AP4E1: variants seen among roughly 807,000 people sequenced by gnomAD.
AP4E1 encodes AP-4 complex subunit epsilon-1.
Under a neutral mutation model 128.2 loss-of-function variants are expected in AP4E1, and 56 were observed. The observed-to-expected ratio is 0.44, with a 90% CI of 0.35 to 0.55. AP4E1 has a LOEUF of 0.55. AP4E1 is among the 20% of genes least tolerant of loss of function. The probability of loss-of-function intolerance (pLI) is 0.00; values close to 1 mark genes in which losing one functional copy is unlikely to be tolerated. For synonymous variants in AP4E1, 484 were observed against 473.1 expected (o/e 1.02, Z -0.30); for missense variants, 1,324 against 1,307.7 (o/e 1.01, Z -0.19).
chr15:50,925,440 T>C (rs141801849), intron 5 of AP4E1, among the ~76,000 whole-genome samples: 3 of 152,306 alleles, frequency 2.0e-5, no homozygotes, highest in African/African-American at 7.2e-5. Flanking sequence ...AGGCCTAGTA[T>C]CCAGGAATCC....
chr15:50,991,962 C>CTTTTTTT (rs61161776), intron 16 of AP4E1, among the ~76,000 whole-genome samples: 1 of 126,558 alleles, frequency 7.9e-6, no homozygotes, highest in African/African-American at 2.9e-5. Flanking sequence ...ACACATAGTT[C>CTTTTTTT]TTTTTTTTTT....
At chr15:50,993,285 A>G (rs2064826975) in intron 16 of AP4E1, 85 bp from the exon 17 acceptor site, 1 of 1,425,104 alleles carries the variant, frequency 7.0e-7, no homozygotes, top group Non-Finnish European at 9.8e-7. Flanking sequence ...GGCCATGGGC[A>G]TTGATATGTT....
chr15:50,981,293 A>C (rs1213980323), intron 15 of AP4E1, among the ~76,000 whole-genome samples: 1 of 152,200 alleles, frequency 6.6e-6, no homozygotes, highest in Non-Finnish European at 1.5e-5. Context: ...ACGTGGAGTC[A>C]AGATAGATAA....
chr15:50,991,074 A>G (rs2064800192), intron 16 of AP4E1, among the ~76,000 whole-genome samples: 1 of 152,202 alleles, frequency 6.6e-6, no homozygotes, highest in Admixed American at 6.5e-5. Flanking sequence ...GATGGATGGC[A>G]AGGACTTTAT....
At chr15:50,925,307 A>G in intron 5 of AP4E1, 88 bp downstream of exon 5, 1 of 1,364,010 alleles carries the variant, frequency 7.3e-7, no homozygotes, top group Non-Finnish European at 1.0e-6. Context: ...CTTCAGTGCT[A>G]CCAGGATAGA....
intron 16 of AP4E1, among the ~76,000 whole-genome samples, chr15:50,992,614 T>G (rs1468917203): frequency 6.6e-6 from 1 of 152,194 alleles, no homozygotes; most frequent in Non-Finnish European, 1.5e-5. Context: ...TTAGGCTTTT[T>G]GGGTAGGACA....
At chr15:50,907,807 C>T (rs2141119571), upstream of AP4E1, among the ~76,000 whole-genome samples, 1 of 152,264 alleles carries the variant, frequency 6.6e-6, no homozygotes, top group East Asian at 1.9e-4. Flanking sequence ...TCTCAGCGAC[C>T]CTGAGGTCAC....
intron 3 of AP4E1, among the ~76,000 whole-genome samples, chr15:50,922,733 T>TCCA (rs2063721756): frequency 6.6e-6 from 1 of 151,972 alleles, no homozygotes; most frequent in South Asian, 2.1e-4. Context: ...GAGTCCTGGC[T>TCCA]CCACCATGTG....
At chr15:50,978,567 T>C (rs192106310) in intron 15 of AP4E1, among the ~76,000 whole-genome samples, 1 of 152,310 alleles carries the variant, frequency 6.6e-6, no homozygotes, top group East Asian at 1.9e-4. Context: ...GAATGTTGAA[T>C]TATTCACTTA....
chr15:50,979,593 C>T (rs879587835), intron 15 of AP4E1, among the ~76,000 whole-genome samples: 2 of 152,066 alleles, frequency 1.3e-5, no homozygotes, highest in African/African-American at 4.8e-5. Context: ...GGCATGATCT[C>T]GACTCACTGC....
At chr15:51,000,671 G>C (rs1432501907) in intron 19 of AP4E1, among the ~76,000 whole-genome samples, 1 of 152,170 alleles carries the variant, frequency 6.6e-6, no homozygotes, top group African/African-American at 2.4e-5. Context: ...AACTTTGATA[G>C]AGTATCCCAT....
At chr15:50,991,962 C>CT (rs61161776) in intron 16 of AP4E1, among the ~76,000 whole-genome samples, 1,440 of 126,568 alleles carry the variant, frequency 0.011, 17 homozygotes, top group African/African-American at 0.025. Context: ...ACACATAGTT[C>CT]TTTTTTTTTT....
chr15:50,980,394 C>T (rs1329628740), intron 15 of AP4E1, among the ~76,000 whole-genome samples: 3 of 152,130 alleles, frequency 2.0e-5, no homozygotes, highest in Non-Finnish European at 4.4e-5. Context: ...AGCTGTATGG[C>T]TACTTTTAAG....
intron 19 of AP4E1, among the ~76,000 whole-genome samples, chr15:51,000,226 C>T (rs1023593557): frequency 2.7e-5 from 4 of 148,900 alleles, no homozygotes; most frequent in Non-Finnish European, 4.4e-5. Flanking sequence ...ACTGTAGCCT[C>T]GACCTCCCAG....
chr15:50,936,622 T>A (rs999562807), intron 8 of AP4E1, among the ~76,000 whole-genome samples: 8 of 152,282 alleles, frequency 5.3e-5, no homozygotes, highest in African/African-American at 1.9e-4. Flanking sequence ...TTTTTAATAT[T>A]TTCCAGAATG....
rs149682827 is a variant in AP4E1, at chr15:50,941,704, A to C, written c.1105A>C (p.Thr369Pro). 2.4e-5 allele frequency: 38 copies of C among 1,613,684 alleles called. No homozygotes were observed. The African/African-American group carries it at 4.5e-4, about 19-fold the overall frequency. The change falls in exon 10 of 21, where the codon ACT (threonine) becomes CCT (proline). Residue 369 changes from threonine (T) to proline (P), a missense_variant. Coordinates refer to ENST00000261842, the MANE Select transcript of AP4E1 (RefSeq NM_007347.5). ...TACCTATGTTATCCAACAGGATCCT[A>C]CTCTGGCTCTTCAACACCAGATGAC... is the stretch of plus-strand genomic sequence containing the variant. ...ALTYVIQQDP[T>P]LALQHQMTII...
chr15:50,991,267 G>A (rs908673849), intron 16 of AP4E1, among the ~76,000 whole-genome samples: 2 of 152,100 alleles, frequency 1.3e-5, no homozygotes, highest in Admixed American at 6.6e-5. Context: ...CCTCCACATC[G>A]GCCTTTTGTT....
chr15:50,949,841 T>A lies in AP4E1; in HGVS notation c.1332T>A (p.Asn444Lys). Residue 444 changes from asparagine to lysine, a missense_variant, in exon 12 of 21, where the codon AAT (asparagine) becomes AAA (lysine). Transcript: ENST00000261842. ...CTGTGGACACATATGCTCCTGATAA[T>A]GCATGGTTTATTCAGACAATGAATG... The part of the protein sequence containing the change: ...AELAEKYAPD[N>K]AWFIQTMNAV... 1 of 1,612,940 alleles carries A rather than the reference T, an allele frequency of 6.2e-7. No individual in the cohort carries two copies. The highest frequency in any genetic ancestry group is 8.5e-7 in the Non-Finnish European group (1 of 1,179,092).
chr15:50,908,542 G>A (rs1217311934), upstream of AP4E1: 4 of 458,392 alleles, frequency 8.7e-6, no homozygotes, highest in East Asian at 7.8e-5. Context: ...GAGAAAGGAG[G>A]TCTACTTACG....
Sources: allele counts gnomAD v4.1 joint callset (sites outside exome capture counted in the v4.1 genomes callset), GRCh38; gene constraint gnomAD v4.1.1; transcripts MANE v1.5; gene names NCBI Gene and HGNC (gene_info 2026-07-23, HGNC 2026-07-21).